Variants in SYN3 observed in about 807,000 individuals in gnomAD.
SYN3 encodes synapsin-3.
A neutral mutation model predicts 65.8 loss-of-function variants in SYN3; 35 were observed. The observed-to-expected ratio is 0.53, with a 90% CI of 0.41 to 0.70. The LOEUF is 0.70. Ranked by LOEUF, SYN3 falls within the 30% of genes least tolerant of loss-of-function variation. The probability of loss-of-function intolerance (pLI) is 0.00; values close to 1 mark genes in which losing one functional copy is unlikely to be tolerated. For missense variants in SYN3, 680 were observed against 749.0 expected (o/e 0.91, Z 1.08); for synonymous variants, 270 against 292.9 (o/e 0.92, Z 0.80).
At chr22:32,880,015 G>A (rs73403242) in intron 4 of SYN3, among the ~76,000 whole-genome samples, 1 of 152,182 alleles carries the variant, frequency 6.6e-6, no homozygotes, top group Non-Finnish European at 1.5e-5. Flanking sequence ...TGTGACCCCT[G>A]GGGGACCTTC....
chr22:32,611,544 G>A (rs2059446035), intron 6 of SYN3, among the ~76,000 whole-genome samples: 1 of 151,822 alleles, frequency 6.6e-6, no homozygotes. Context: ...TGCCCGCCTC[G>A]GCCTCCCAAA....
chr22:32,788,692 T>C (rs2046252710), intron 6 of SYN3, among the ~76,000 whole-genome samples: 1 of 152,226 alleles, frequency 6.6e-6, no homozygotes, highest in African/African-American at 2.4e-5. Context: ...TACCATTTTA[T>C]ATCAAGGATT....
At chr22:32,575,016 A>G (rs995044514) in intron 7 of SYN3, among the ~76,000 whole-genome samples, 4 of 152,210 alleles carry the variant, frequency 2.6e-5, no homozygotes, top group African/African-American at 9.6e-5. Context: ...CTGAATGAAT[A>G]AAGGGATGCT....
At chr22:33,025,888 A>C (rs955337069) in intron 1 of SYN3, among the ~76,000 whole-genome samples, 7 of 152,140 alleles carry the variant, frequency 4.6e-5, no homozygotes, top group African/African-American at 1.4e-4. Flanking sequence ...ACCAGTTTTG[A>C]TTAATCAGGG....
chr22:32,968,719 C>T (rs2042793), intron 3 of SYN3, among the ~76,000 whole-genome samples: 30,457 of 152,212 alleles, frequency 0.2, 3,485 homozygotes, highest in Non-Finnish European at 0.26. Context: ...CCAAACCCAG[C>T]TGCACATCAG....
At chr22:33,009,751 AAC>A (rs58156623) in intron 1 of SYN3, among the ~76,000 whole-genome samples, 9,772 of 141,088 alleles carry the variant, frequency 0.069, 486 homozygotes, top group African/African-American at 0.16. Flanking sequence ...TACGTATCTA[AAC>A]ACACACACAC....
intron 2 of SYN3, among the ~76,000 whole-genome samples, chr22:32,984,579 T>C (rs1055985765): frequency 1.3e-5 from 2 of 152,184 alleles, no homozygotes; most frequent in Admixed American, 6.5e-5. Context: ...ATTCTAGAGT[T>C]TGGGTACCCA....
intron 3 of SYN3, among the ~76,000 whole-genome samples, chr22:32,939,935 T>C (rs1045861778): frequency 1.6e-4 from 25 of 152,180 alleles, no homozygotes; most frequent in Non-Finnish European, 3.2e-4. Context: ...GATGGAGAAT[T>C]TTCCTCAGTG....
At chr22:32,537,343 G>C (rs186734295) in intron 9 of SYN3, among the ~76,000 whole-genome samples, 1 of 152,254 alleles carries the variant, frequency 6.6e-6, no homozygotes, top group African/African-American at 2.4e-5. Flanking sequence ...ATCTGTAGTA[G>C]AGATGGGGTT....
rs2057674720 is a variant in SYN3 at position 32,510,060 on chromosome 22, A to T, written c.*3632T>A. On this transcript the variant is annotated 3_prime_UTR_variant, in exon 14 of 14. Coordinates refer to ENST00000358763, the MANE Select transcript of SYN3 (RefSeq NM_003490.4). ...TGGATGCTGAGGTGTGTCTGAGGCC[A>T]AAGGACAGAATATAGGAATATGGGA... 6.6e-6 allele frequency among the ~76,000 whole-genome samples: 1 copy of T among 152,140 alleles called. No individual in the cohort carries two copies. The highest frequency in any genetic ancestry group is 6.5e-5 in the Admixed American group (1 of 15,284).
chr22:33,034,398 C>T (rs1003318503), intron 1 of SYN3, among the ~76,000 whole-genome samples: 1 of 151,616 alleles, frequency 6.6e-6, no homozygotes, highest in Non-Finnish European at 1.5e-5. Context: ...AGGTGCCCAT[C>T]GCCACACCCC....
chr22:33,018,417 A>T (rs2145851677), intron 1 of SYN3, among the ~76,000 whole-genome samples: 1 of 152,314 alleles, frequency 6.6e-6, no homozygotes, highest in South Asian at 2.1e-4. Flanking sequence ...ACCCAGCCCC[A>T]TGCTGCCCTA....
intron 6 of SYN3, among the ~76,000 whole-genome samples, chr22:32,599,084 G>T (rs2059244195): frequency 1.3e-5 from 2 of 152,012 alleles, no homozygotes; most frequent in South Asian, 4.1e-4. Flanking sequence ...TCTGTATTGA[G>T]GTTTTCCCTT....
intron 6 of SYN3, among the ~76,000 whole-genome samples, chr22:32,787,947 G>A (rs1239393779): frequency 6.6e-6 from 1 of 152,140 alleles, no homozygotes; most frequent in East Asian, 1.9e-4. Context: ...GGTTAAAGGA[G>A]GAAAAGGAGG....
chr22:32,766,101 G>A (rs1288365004), intron 6 of SYN3, among the ~76,000 whole-genome samples: 1 of 152,180 alleles, frequency 6.6e-6, no homozygotes, highest in Admixed American at 6.5e-5. Context: ...TTGGAGAACT[G>A]GAGGAGGTAT....
intron 1 of SYN3, among the ~76,000 whole-genome samples, chr22:33,043,368 C>T (rs1012531416): frequency 6.6e-5 from 10 of 151,840 alleles, no homozygotes; most frequent in East Asian, 2.0e-4. Flanking sequence ...GCCAACATGG[C>T]GAAACCCCGT....
chr22:32,684,151 G>A (rs1263732670), intron 6 of SYN3, among the ~76,000 whole-genome samples: 1 of 152,164 alleles, frequency 6.6e-6, no homozygotes. Flanking sequence ...TCCAGTGGGG[G>A]AACATGACCC....
chr22:32,508,124 A>G lies in SYN3; in HGVS notation c.*5568T>C, dbSNP rs1304057304. ...ATCGCATCCCCTGTGACTTGCGCGT[A>G]TACGCCCAGATGGCCTGAAGTAACT... is the stretch of plus-strand genomic sequence containing the variant. On this transcript the variant is annotated 3_prime_UTR_variant, in exon 14 of 14. Coordinates refer to ENST00000358763, the MANE Select transcript of SYN3 (RefSeq NM_003490.4). Among the ~76,000 whole-genome samples the G allele has an allele frequency of 6.6e-6, 1 of 152,182 alleles. No individual in the cohort carries two copies. Among genetic ancestry groups the G allele is most frequent in the East Asian group, 1.9e-4 (1 of 5,184 alleles).
At chr22:32,970,537 A>C (rs2051987530) in intron 3 of SYN3, among the ~76,000 whole-genome samples, 1 of 151,262 alleles carries the variant, frequency 6.6e-6, no homozygotes, top group African/African-American at 2.4e-5. Context: ...CAACAGAGCG[A>C]GACTCCATCT....
Sources: allele counts gnomAD v4.1 joint callset (sites outside exome capture counted in the v4.1 genomes callset), GRCh38; gene constraint gnomAD v4.1.1; transcripts MANE v1.5; gene names NCBI Gene and HGNC (gene_info 2026-07-23, HGNC 2026-07-21).